ASPRV1: variants seen among roughly 807,000 people sequenced by gnomAD.
ASPRV1 encodes aspartic peptidase retroviral like 1.
A neutral mutation model predicts 11.0 loss-of-function variants in ASPRV1; 7 were observed. That is an observed-to-expected ratio of 0.64 (90% CI 0.36 to 1.20). ASPRV1 has a LOEUF of 1.20. Ranked by LOEUF, ASPRV1 falls within the 50% of genes most tolerant of loss-of-function variation. The probability of loss-of-function intolerance (pLI) is 0.02; values close to 1 mark genes in which losing one functional copy is unlikely to be tolerated. For synonymous variants in ASPRV1, 136 were observed against 138.4 expected, an observed-to-expected ratio of 0.98 and a Z score of 0.12; for missense variants, 299 against 320.0, an observed-to-expected ratio of 0.93 and a Z score of 0.50.
the ASPRV1 span, chr2:70,046,766 C>G: frequency 6.6e-6 from 1 of 151,954 alleles, no homozygotes; most frequent in Admixed American, 6.6e-5. Context: ...CTGGTCCAGG[C>G]AGGATTACTC....
the ASPRV1 span, among the ~76,000 whole-genome samples, chr2:70,077,094 A>C: frequency 6.6e-6 from 1 of 152,148 alleles, no homozygotes; most frequent in Non-Finnish European, 1.5e-5. Context: ...CTCCTACTAC[A>C]CTGGCTCTAC....
the ASPRV1 span, among the ~76,000 whole-genome samples, chr2:69,944,731 CACAAT>C: frequency 6.6e-6 from 1 of 152,194 alleles, no homozygotes; most frequent in South Asian, 2.1e-4. Context: ...AATGGGAATT[CACAAT>C]ACAATTACTA....
chr2:69,986,238 C>T, the ASPRV1 span, among the ~76,000 whole-genome samples: 1 of 152,244 alleles, frequency 6.6e-6, no homozygotes, highest in Non-Finnish European at 1.5e-5. Flanking sequence ...AGATTCATAG[C>T]TGAGCCTGCT....
At chr2:69,985,511 G>A in the ASPRV1 span, among the ~76,000 whole-genome samples, 1 of 152,116 alleles carries the variant, frequency 6.6e-6, no homozygotes, top group East Asian at 1.9e-4. Context: ...TTGTGTCCTT[G>A]GGGATCAAAA....
At chr2:69,935,418 C>T in the ASPRV1 span, 1 of 1,613,850 alleles carries the variant, frequency 6.2e-7, no homozygotes, top group Non-Finnish European at 8.5e-7. Context: ...CGAATCAAGT[C>T]GACACACTAC....
the ASPRV1 span, among the ~76,000 whole-genome samples, chr2:70,065,841 A>AAG: frequency 2.2e-5 from 3 of 139,352 alleles, no homozygotes; most frequent in African/African-American, 8.5e-5. Flanking sequence ...AAAAAAAAAA[A>AAG]AAAGAAAGAA....
chr2:69,959,779 A>G (rs986952083), downstream of ASPRV1, among the ~76,000 whole-genome samples: 5 of 152,112 alleles, frequency 3.3e-5, no homozygotes, highest in African/African-American at 1.2e-4. Flanking sequence ...TAATTTCCCA[A>G]TCCCCAATCA....
At chr2:70,066,729 C>T in the ASPRV1 span, among the ~76,000 whole-genome samples, 3 of 152,108 alleles carry the variant, frequency 2.0e-5, no homozygotes, top group African/African-American at 7.2e-5. Context: ...TCCCAAGTAT[C>T]TGGGACCACA....
chr2:70,066,689 C>T, the ASPRV1 span, among the ~76,000 whole-genome samples: 1 of 152,080 alleles, frequency 6.6e-6, no homozygotes, highest in Non-Finnish European at 1.5e-5. Context: ...CTTCAACCTC[C>T]CAAGCTCAAA....
the ASPRV1 span, among the ~76,000 whole-genome samples, chr2:69,983,295 G>A: frequency 6.6e-6 from 1 of 152,216 alleles, no homozygotes; most frequent in Non-Finnish European, 1.5e-5. Context: ...GCCTCCCCAT[G>A]AACACATTTT....
chr2:70,041,490 G>A, the ASPRV1 span, among the ~76,000 whole-genome samples: 1 of 152,078 alleles, frequency 6.6e-6, no homozygotes, highest in South Asian at 2.1e-4. Context: ...ATTATAGTCT[G>A]GACTGCCCAC....
the ASPRV1 span, chr2:70,015,689 G>A: frequency 6.6e-6 from 1 of 152,244 alleles, no homozygotes; most frequent in African/African-American, 2.4e-5. Flanking sequence ...TAGGCCAGGT[G>A]TGGTGGCTCA....
the ASPRV1 span, among the ~76,000 whole-genome samples, chr2:70,084,095 T>C: frequency 6.6e-6 from 1 of 152,102 alleles, no homozygotes; most frequent in African/African-American, 2.4e-5. Context: ...GGCTAAGAGC[T>C]GGGGAAGCTG....
chr2:70,084,098 G>A, the ASPRV1 span, among the ~76,000 whole-genome samples: 3 of 152,174 alleles, frequency 2.0e-5, no homozygotes, highest in Admixed American at 6.5e-5. Context: ...TAAGAGCTGG[G>A]GAAGCTGGGA....
the ASPRV1 span, chr2:70,051,107 GGATT>G: frequency 6.6e-6 from 1 of 152,108 alleles, no homozygotes; most frequent in Non-Finnish European, 1.5e-5. Context: ...CATTTTACTT[GGATT>G]TATTCCTCAC....
chr2:69,996,226 A>C, the ASPRV1 span, among the ~76,000 whole-genome samples: 100 of 150,500 alleles, frequency 6.6e-4, no homozygotes, highest in African/African-American at 2.3e-3. Context: ...AAAAAAAAAA[A>C]AAAAAAAAAA....
chr2:69,999,595 T>G, the ASPRV1 span, among the ~76,000 whole-genome samples: 6 of 145,824 alleles, frequency 4.1e-5, no homozygotes, highest in South Asian at 4.3e-4. Flanking sequence ...GGCAGAGGTT[T>G]CAGTGAGCTG....
chr2:70,007,491 A>G, the ASPRV1 span, among the ~76,000 whole-genome samples: 34,563 of 151,948 alleles, frequency 0.23, 6,957 homozygotes, highest in African/African-American at 0.51. Context: ...GCACTCCGGC[A>G]TGGGCAACAA....
chr2:69,987,271 C>A, the ASPRV1 span, among the ~76,000 whole-genome samples: 1 of 152,058 alleles, frequency 6.6e-6, no homozygotes, highest in Non-Finnish European at 1.5e-5. Context: ...TTCCCCAAGG[C>A]TACATCCTTC....
Sources: allele counts gnomAD v4.1 joint callset (sites outside exome capture counted in the v4.1 genomes callset), GRCh38; gene constraint gnomAD v4.1.1; transcripts MANE v1.5; gene names NCBI Gene and HGNC (gene_info 2026-07-23, HGNC 2026-07-21).